The following MCTP1 variants were observed in gnomAD, a reference collection of about 807,000 sequenced individuals.
MCTP1 encodes the protein multiple C2 and transmembrane domain-containing protein 1.
In MCTP1, 69 loss-of-function variants were observed where a neutral mutation model predicts 120.6. That is an observed-to-expected ratio of 0.57 (90% CI 0.47 to 0.70). MCTP1 has a LOEUF of 0.70. Among genes scored for constraint, MCTP1 ranks in the 30% least tolerant of loss-of-function variants. The pLI, the probability that MCTP1 is intolerant of heterozygous loss-of-function variation, is 0.00. For synonymous variants in MCTP1, 529 were observed against 493.1 expected, an observed-to-expected ratio of 1.07 and a Z score of -0.96; for missense variants, 1,203 against 1,248.8, an observed-to-expected ratio of 0.96 and a Z score of 0.55.
In MCTP1 at chr5:95,129,690, C is replaced by T. The variant is rs28718600; in HGVS notation, c.721-112206G>A. On this transcript the variant is annotated intron_variant, in intron 1 of 22. Transcript: ENST00000515393. ...TTCTTTTTTTTTTGAGACAAAGTCT[C>T]GCTCTGTCACCCAGGCTGGAGTGCA... is the stretch of plus-strand genomic sequence containing the variant. Among the ~76,000 whole-genome samples the T allele has an allele frequency of 2.1e-3, 315 of 151,818 alleles. 3 individuals carry two copies. The highest frequency in any genetic ancestry group is 0.01 in the Middle Eastern group (3 of 292).
intron 17 of MCTP1, among the ~76,000 whole-genome samples, chr5:94,806,638 C>CA (rs1192781669): frequency 2.0e-5 from 3 of 151,620 alleles, no homozygotes; most frequent in Admixed American, 1.3e-4. Context: ...GAGCCCACTT[C>CA]AAAAAAAATC....
In MCTP1 at chr5:95,283,881, G is replaced by A. The variant is rs200304641; in HGVS notation, c.695C>T (p.Thr232Met). Residue 232 changes from threonine to methionine, a missense_variant, in exon 1 of 23, where the codon ACG (threonine) becomes ATG (methionine). Physicochemically the swap from Thr to Met is moderately conservative, Grantham distance 81 (BLOSUM62 -1). Coordinates refer to ENST00000515393, the MANE Select transcript of MCTP1 (RefSeq NM_024717.7). Reference sequence around the variant, plus strand: ...CTGGCTGCTGCCGTGCTCCTCGCCCGTCTCCGGGGCCCGAGACTCCGCGGG... The same window carrying A: ...CTGGCTGCTGCCGTGCTCCTCGCCCATCTCCGGGGCCCGAGACTCCGCGGG... ...RSPAESRAPETGEEHGSSQKI... is the reference protein window; with the variant it reads ...RSPAESRAPEMGEEHGSSQKI... 1,807 of 1,378,438 alleles carry A rather than the reference G, an allele frequency of 1.3e-3. 5 individuals carry two copies. Among genetic ancestry groups the A allele is most frequent in the Middle Eastern group, 3.0e-3 (12 of 4,018 alleles). 85.4% of individuals were successfully genotyped at this position (1,378,438 alleles called of 1,614,324 possible).
At chr5:95,126,095 T>C (rs982728352) in intron 1 of MCTP1, among the ~76,000 whole-genome samples, 17 of 152,222 alleles carry the variant, frequency 1.1e-4, no homozygotes, top group African/African-American at 3.1e-4. Flanking sequence ...ATTTATACTA[T>C]GTGCTAGAGC....
intron 2 of MCTP1, among the ~76,000 whole-genome samples, chr5:95,001,380 G>T (rs528807961): frequency 6.6e-6 from 1 of 152,154 alleles, no homozygotes; most frequent in African/African-American, 2.4e-5. Flanking sequence ...GGAGGGCTCC[G>T]AAGAAGACAG....
intron 1 of MCTP1, among the ~76,000 whole-genome samples, chr5:95,153,767 A>G (rs952348383): frequency 2.6e-5 from 4 of 152,168 alleles, no homozygotes; most frequent in Non-Finnish European, 5.9e-5. Context: ...ATGCTTTCCC[A>G]TTAAGAGGAA....
intron 1 of MCTP1, among the ~76,000 whole-genome samples, chr5:95,278,062 G>A (rs1204526675): frequency 6.6e-6 from 1 of 150,910 alleles, no homozygotes; most frequent in African/African-American, 2.4e-5. Context: ...AGACTTTAGG[G>A]ACATTGCAGC....
At chr5:94,725,597 T>C (rs1463080418) in intron 19 of MCTP1, among the ~76,000 whole-genome samples, 3 of 152,220 alleles carry the variant, frequency 2.0e-5, no homozygotes, top group African/African-American at 7.2e-5. Flanking sequence ...AAAGTTCAAA[T>C]GCAGAGCTGA....
At chr5:95,213,359 G>C (rs371115676) in intron 1 of MCTP1, among the ~76,000 whole-genome samples, 3 of 143,870 alleles carry the variant, frequency 2.1e-5, no homozygotes, top group African/African-American at 7.7e-5. Context: ...CAATGAAATA[G>C]AAGAGGATAC....
intron 1 of MCTP1, among the ~76,000 whole-genome samples, chr5:95,134,992 CAAAAAAAAAAAAAAAAAAAAAA>C (rs70978170): frequency 4.8e-3 from 169 of 35,346 alleles, no homozygotes; most frequent in African/African-American, 0.013. Flanking sequence ...GCCTGATGGC[CAAAAAAAAAAAAAAAAAAAAAA>C]AAAAAAAAAA....
chr5:94,755,647 G>A (rs1196606361), intron 19 of MCTP1, among the ~76,000 whole-genome samples: 1 of 152,012 alleles, frequency 6.6e-6, no homozygotes, highest in African/African-American at 2.4e-5. Context: ...TCCATGCTTG[G>A]GACCCTTCGG....
chr5:94,963,442 A>G (rs1824821047), intron 2 of MCTP1, among the ~76,000 whole-genome samples: 1 of 146,984 alleles, frequency 6.8e-6, no homozygotes, highest in Non-Finnish European at 1.5e-5. Flanking sequence ...CAAGGGTCAT[A>G]TTTTCTCCAG....
chr5:95,088,349 T>C (rs2152336303), intron 1 of MCTP1, among the ~76,000 whole-genome samples: 1 of 152,286 alleles, frequency 6.6e-6, no homozygotes, highest in Non-Finnish European at 1.5e-5. Flanking sequence ...AGAAATGACC[T>C]TGAAATATGA....
chr5:94,984,513 A>T (rs1830100335), intron 2 of MCTP1, among the ~76,000 whole-genome samples: 1 of 152,164 alleles, frequency 6.6e-6, no homozygotes, highest in African/African-American at 2.4e-5. Flanking sequence ...CAGTTAACAG[A>T]GAGTCTTGAA....
At position 95,191,257 on chromosome 5, in the gene MCTP1, T is replaced by C. The variant is rs114124057; in HGVS notation, c.720+92599A>G. Among the ~76,000 whole-genome samples the C allele has an allele frequency of 5.9e-3, 896 of 152,142 alleles. 8 individuals carry two copies. Among genetic ancestry groups the C allele is most frequent in the Middle Eastern group, 0.017 (5 of 294 alleles). Reference sequence around the variant, plus strand: ...TCTGTGTTTACTATAGTCATCCTGTTGTGCTATCAAATCCTATTCCTTTGA... The same window carrying C: ...TCTGTGTTTACTATAGTCATCCTGTCGTGCTATCAAATCCTATTCCTTTGA... On this transcript the variant is annotated intron_variant, in intron 1 of 22. Transcript: ENST00000515393.
At chr5:94,834,640 A>G (rs1219099630) in intron 17 of MCTP1, among the ~76,000 whole-genome samples, 1 of 152,142 alleles carries the variant, frequency 6.6e-6, no homozygotes, top group Non-Finnish European at 1.5e-5. Flanking sequence ...AGAAAGAGAC[A>G]TCATAGCGCA....
At chr5:94,777,869 C>T (rs1309704221) in intron 19 of MCTP1, among the ~76,000 whole-genome samples, 1 of 151,864 alleles carries the variant, frequency 6.6e-6, no homozygotes, top group Non-Finnish European at 1.5e-5. Flanking sequence ...AAAAATTTCA[C>T]ATAAAAGCTC....
chr5:95,140,084 C>T (rs1483633815), intron 1 of MCTP1, among the ~76,000 whole-genome samples: 1 of 152,212 alleles, frequency 6.6e-6, no homozygotes, highest in African/African-American at 2.4e-5. Context: ...GACACTCATG[C>T]TTCCAATGCA....
At chr5:95,116,134 T>C (rs1362576205) in intron 1 of MCTP1, among the ~76,000 whole-genome samples, 1 of 152,068 alleles carries the variant, frequency 6.6e-6, no homozygotes, top group Non-Finnish European at 1.5e-5. Flanking sequence ...ACACCAGACC[T>C]ATCCTACAAA....
In MCTP1 at chr5:95,017,447, A is replaced by G; in HGVS notation, c.758T>C (p.Val253Ala). 3 of 1,609,576 alleles carry G rather than the reference A, an allele frequency of 1.9e-6. No homozygotes were observed. The highest frequency in any genetic ancestry group is 2.5e-6 in the Non-Finnish European group (3 of 1,177,322). ...GTACATTCCGGGATCAGCCAAGGGG[A>G]CTTCTGCATTACTGGTTCCAGCAGT... ...INTAGTSNAE[V>A]PLADPGMYQL... is the part of the protein sequence containing the mutation. Residue 253 changes from valine to alanine, a missense_variant, in exon 2 of 23, where the codon GTC (valine) becomes GCC (alanine). This residue lies in a region of MCTP1 where 463 missense variants were observed against 377.8 expected (regional missense o/e 1.23). Coordinates refer to ENST00000515393, the MANE Select transcript of MCTP1 (RefSeq NM_024717.7).
Sources: gnomAD v4.1 joint callset for allele counts (sites outside exome capture counted in the v4.1 genomes callset) on GRCh38, gnomAD v4.1.1 for gene constraint, gnomAD v4.1.1 regional missense constraint, MANE v1.5 for transcripts, NCBI Gene and HGNC (gene_info 2026-07-23, HGNC 2026-07-21) for gene names.